The following PDZD2 variants were observed in gnomAD, a reference collection of about 807,000 sequenced individuals.
PDZD2 encodes the protein PDZ domain-containing protein 2.
Under a neutral mutation model 220.7 loss-of-function variants are expected in PDZD2, and 90 were observed. The observed-to-expected ratio is 0.41, with a 90% CI of 0.34 to 0.49. The LOEUF (loss-of-function observed/expected upper bound fraction) is 0.49. PDZD2 is among the 20% of genes least tolerant of loss of function. PDZD2 has a pLI of 0.28. For missense variants in PDZD2, 3,174 were observed against 3,608.5 expected (o/e 0.88, Z 3.08); for synonymous variants, 1,375 against 1,450.5 (o/e 0.95, Z 1.18).
intron 2 of PDZD2, among the ~76,000 whole-genome samples, chr5:31,880,791 CTTT>C (rs1037018187): frequency 5.2e-5 from 4 of 76,470 alleles, no homozygotes; most frequent in African/African-American, 1.9e-4. Flanking sequence ...TTTTTTTTTT[CTTT>C]TTTTTTTTTT....
At chr5:32,033,490 G>A (rs1164172195) in intron 6 of PDZD2, among the ~76,000 whole-genome samples, 2 of 152,118 alleles carry the variant, frequency 1.3e-5, no homozygotes, top group Non-Finnish European at 2.9e-5. Context: ...CCTTTCAGTG[G>A]GTTCTGAAAT....
chr5:31,656,120 A>G (rs1274961076), intron 1 of PDZD2, among the ~76,000 whole-genome samples: 8 of 152,154 alleles, frequency 5.3e-5, no homozygotes, highest in African/African-American at 1.7e-4. Context: ...TTTTGTCTCT[A>G]CGTTCAAAGA....
At chr5:31,669,849 G>T (rs1746148124) in intron 1 of PDZD2, among the ~76,000 whole-genome samples, 1 of 152,008 alleles carries the variant, frequency 6.6e-6, no homozygotes, top group South Asian at 2.1e-4. Context: ...GTCTTAAATG[G>T]GCCGTAAAAT....
At chr5:31,860,349 C>A (rs1418953083) in intron 2 of PDZD2, among the ~76,000 whole-genome samples, 1 of 152,054 alleles carries the variant, frequency 6.6e-6, no homozygotes, top group African/African-American at 2.4e-5. Flanking sequence ...GGCATAAATC[C>A]CAAACTGGCT....
At chr5:31,886,737 G>A (rs555515673) in intron 2 of PDZD2, among the ~76,000 whole-genome samples, 34 of 149,718 alleles carry the variant, frequency 2.3e-4, no homozygotes, top group East Asian at 7.8e-4. Context: ...TTGCTCTGTC[G>A]CTCAGGCTGG....
intron 6 of PDZD2, among the ~76,000 whole-genome samples, chr5:32,031,194 C>T (rs899390161): frequency 6.6e-6 from 1 of 152,186 alleles, no homozygotes; most frequent in Non-Finnish European, 1.5e-5. Flanking sequence ...ACTTTTGTGA[C>T]AGACCCTTTA....
chr5:31,955,458 G>A (rs767895941), intron 2 of PDZD2, among the ~76,000 whole-genome samples: 1 of 151,722 alleles, frequency 6.6e-6, no homozygotes, highest in Non-Finnish European at 1.5e-5. Context: ...GCACCACCAC[G>A]CCCAGCTAAT....
At chr5:31,816,984 C>G (rs541599085) in intron 2 of PDZD2, among the ~76,000 whole-genome samples, 3 of 150,860 alleles carry the variant, frequency 2.0e-5, no homozygotes, top group Admixed American at 2.0e-4. Flanking sequence ...GAGATCGAGA[C>G]CATCCTGGCT....
Position 32,090,539 on chromosome 5 carries a change from GCTC to G in PDZD2, c.7093_7095del (p.Ser2365del), listed in dbSNP as rs776998014. The stretch of plus-strand genomic sequence containing the variant: ...GGGGCTTCCCCATTTTTGTCGGTGA[GCTC>G]CAAGCCTCCCATTGGGAGGCGGTCT... On this transcript the variant is annotated inframe_deletion, in exon 20 of 25. Coordinates refer to ENST00000438447, the MANE Select transcript of PDZD2 (RefSeq NM_178140.4). The surrounding 1 kb of genome is among the most constrained non-coding windows in gnomAD (Gnocchi z 4.3). The G allele has an allele frequency of 6.2e-7, 1 of 1,613,840 alleles. No individual in the cohort carries two copies.
intron 1 of PDZD2, among the ~76,000 whole-genome samples, chr5:31,778,886 T>G (rs892367720): frequency 6.6e-6 from 1 of 152,240 alleles, no homozygotes; most frequent in Non-Finnish European, 1.5e-5. Flanking sequence ...TTTCCTGAGA[T>G]GAAAACCGTC....
In PDZD2 at chr5:31,644,899, A is replaced by G. The variant is rs181202311; in HGVS notation, c.-361+5462A>G. 2.6e-4 allele frequency among the ~76,000 whole-genome samples: 40 copies of G among 152,352 alleles called. No homozygotes were observed. The South Asian group carries it at 3.5e-3, about 13-fold the overall frequency. ...TATACAGTGTTTCTGGGGCTCATCA[A>G]GCCCTCTAGGTAGGAGGCCTGAAGA... On this transcript the variant is annotated intron_variant, in intron 1 of 24. Transcript: ENST00000438447.
At chr5:32,038,681 T>C (rs574567564) in intron 7 of PDZD2, among the ~76,000 whole-genome samples, 1 of 152,324 alleles carries the variant, frequency 6.6e-6, no homozygotes, top group Non-Finnish European at 1.5e-5. Flanking sequence ...GCATGGGCCC[T>C]CAGCACTGTG....
Position 31,644,434 on chromosome 5 carries a change from A to G in PDZD2, c.-361+4997A>G, listed in dbSNP as rs148790713. Among the ~76,000 whole-genome samples, 5 of 152,346 alleles carry G rather than the reference A, an allele frequency of 3.3e-5. No homozygotes were observed. In the East Asian group the frequency reaches 9.6e-4, roughly 29 times the overall value. ...CTAAAGAGTTCTGCCTTCTATTTAC[A>G]AATGTGTTCAAGAAGACACTGGGAG... On this transcript the variant is annotated intron_variant, in intron 1 of 24. Transcript: ENST00000438447.
intron 6 of PDZD2, among the ~76,000 whole-genome samples, chr5:32,014,420 A>G (rs1753566633): frequency 6.6e-6 from 1 of 152,182 alleles, no homozygotes; most frequent in South Asian, 2.1e-4. Flanking sequence ...TATCAAGTTT[A>G]AGGAGTAGAA....
chr5:31,648,084 G>GT (rs770600599), intron 1 of PDZD2, among the ~76,000 whole-genome samples: 8 of 152,224 alleles, frequency 5.3e-5, no homozygotes, highest in Non-Finnish European at 7.3e-5. Context: ...ACTGAAAATA[G>GT]TAACAACAAC....
rs760901355 is a variant in PDZD2 at position 32,101,231 on chromosome 5, T to C, written c.8345T>C (p.Val2782Ala). 1 of 1,611,060 alleles carries C rather than the reference T, an allele frequency of 6.2e-7. No homozygotes were observed. Among genetic ancestry groups the C allele is most frequent in the Non-Finnish European group, 8.5e-7 (1 of 1,178,292 alleles). Residue 2782 changes from valine to alanine, a missense_variant, in exon 24 of 25, where the codon GTG becomes GCG. By Grantham distance (64) the Val-to-Ala change is moderately conservative. This residue lies in a region of PDZD2 where 631 missense variants were observed against 789.9 expected (regional missense o/e 0.80). Transcript: ENST00000438447. Reference protein sequence around the residue: ...TGDGPLVIKRVYKGGAAEQAG... With the variant: ...TGDGPLVIKRAYKGGAAEQAG... Reference sequence around the variant, plus strand: ...GATGGGCCCTTGGTCATTAAAAGAGTGTACAAAGGTAATGTTCTAGACAAC... The same window carrying C: ...GATGGGCCCTTGGTCATTAAAAGAGCGTACAAAGGTAATGTTCTAGACAAC...
chr5:32,010,610 T>C lies in PDZD2; in HGVS notation c.1407+128T>C, dbSNP rs150145752. On this transcript the variant is annotated intron_variant, in intron 6 of 24. Coordinates refer to ENST00000438447, the MANE Select transcript of PDZD2 (RefSeq NM_178140.4). ...CATGATGGGAAAAGACACCAGTGCATTCTTTCTATGTTTTTCTCGGAATCT... is the reference window on the plus strand; with the variant it reads ...CATGATGGGAAAAGACACCAGTGCACTCTTTCTATGTTTTTCTCGGAATCT... 267 of 754,172 alleles carry C rather than the reference T, an allele frequency of 3.5e-4. No homozygotes were observed. In the African/African-American group the frequency reaches 4.2e-3, roughly 12 times the overall value. 46.7% of individuals were successfully genotyped at this position (754,172 alleles called of 1,614,324 possible).
In PDZD2 at chr5:31,995,557, G is replaced by A. The variant is rs1014631731; in HGVS notation, c.979-19G>A. 9 of 1,613,872 alleles carry A rather than the reference G, an allele frequency of 5.6e-6. No individual in the cohort carries two copies. The African/African-American group carries it at 9.3e-5, about 17-fold the overall frequency. On this transcript the variant is annotated intron_variant, in intron 3 of 24. Coordinates refer to ENST00000438447, the MANE Select transcript of PDZD2 (RefSeq NM_178140.4). Reference sequence around the variant, plus strand: ...TGTCTGTCAACCTCCTTCATGGTGTGCTCACTTTTTCTTCCAAGGAGGAAG... The same window carrying A: ...TGTCTGTCAACCTCCTTCATGGTGTACTCACTTTTTCTTCCAAGGAGGAAG...
intron 7 of PDZD2, among the ~76,000 whole-genome samples, chr5:32,048,252 G>C (rs550589777): frequency 2.0e-5 from 3 of 152,296 alleles, no homozygotes; most frequent in African/African-American, 7.2e-5. Flanking sequence ...TTATCCACCA[G>C]AGCTACATCT....
Sources: allele counts gnomAD v4.1 joint callset (sites outside exome capture counted in the v4.1 genomes callset), GRCh38; gene constraint gnomAD v4.1.1; regional missense constraint gnomAD v4.1.1; non-coding constraint Gnocchi (gnomAD v3.1); transcripts MANE v1.5; gene names NCBI Gene and HGNC (gene_info 2026-07-23, HGNC 2026-07-21).